The following LEPROTL1 variants were observed in gnomAD, a reference collection of about 807,000 sequenced individuals.
LEPROTL1 encodes leptin receptor overlapping transcript like 1.
Under a neutral mutation model 15.4 loss-of-function variants are expected in LEPROTL1, and 6 were observed. That is an observed-to-expected ratio of 0.39 (90% confidence interval 0.21 to 0.77). The LOEUF (loss-of-function observed/expected upper bound fraction) is 0.77. Ranked by LOEUF, LEPROTL1 falls within the 30% of genes least tolerant of loss-of-function variation. The pLI is 0.41. For missense variants in LEPROTL1, 128 were observed against 158.1 expected (o/e 0.81, Z 1.02); for synonymous variants, 56 against 52.6 (o/e 1.06, Z -0.28).
In LEPROTL1 at chr8:30,095,408, G is replaced by C. The variant is rs1266994651; in HGVS notation, c.-105G>C. 1.6e-5 allele frequency: 18 copies of C among 1,155,052 alleles called. No homozygotes were observed. Among genetic ancestry groups the C allele is most frequent in the Non-Finnish European group, 1.9e-5 (16 of 856,832 alleles). 71.6% of individuals were successfully genotyped at this position (1,155,052 alleles called of 1,614,324 possible). A position where few individuals can be genotyped will look rare whatever the true frequency, so the allele number is the denominator to read the frequency against. On this transcript the variant is annotated 5_prime_UTR_variant, in exon 1 of 4. Transcript: ENST00000321250. Reference sequence around the variant, plus strand: ...GTCGCCGGCGGAAGTGCTGCGTCGCGCACTTCCGGGTGTTGTCTGGCCGCC... The same window carrying C: ...GTCGCCGGCGGAAGTGCTGCGTCGCCCACTTCCGGGTGTTGTCTGGCCGCC...
chr8:30,131,306 G>GTGTATATA (rs71206233), intron 3 of LEPROTL1, among the ~76,000 whole-genome samples: 3 of 141,398 alleles, frequency 2.1e-5, no homozygotes, highest in Non-Finnish European at 4.5e-5. Flanking sequence ...ATGTGTGTGT[G>GTGTATATA]TATATATATA....
rs1020644588 is a variant in LEPROTL1, at chr8:30,137,413, A to C, written c.*101A>C. On this transcript the variant is annotated 3_prime_UTR_variant, in exon 5 of 5. Transcript: ENST00000442880. ...CAGAGTGTCCACTCAACCCGTGCTG[A>C]GGCTGGCAGACAGTGCTGAGTCACT... 6 of 1,551,580 alleles carry C rather than the reference A, an allele frequency of 3.9e-6. No individual in the cohort carries two copies. The African/African-American group carries it at 8.2e-5, about 21-fold the overall frequency.
chr8:30,128,637 A>G (rs1802942229), intron 3 of LEPROTL1, among the ~76,000 whole-genome samples: 1 of 151,972 alleles, frequency 6.6e-6, no homozygotes, highest in Non-Finnish European at 1.5e-5. Context: ...CTGTAGTCCC[A>G]GCTACTTGGG....
intron 3 of LEPROTL1, among the ~76,000 whole-genome samples, chr8:30,124,758 T>G (rs533621743): frequency 4.9e-4 from 74 of 152,314 alleles, no homozygotes; most frequent in African/African-American, 1.6e-3. Flanking sequence ...CAGCTGCATA[T>G]TTAAGAAATA....
chr8:30,109,557 T>TC (rs1172059088), downstream of LEPROTL1, among the ~76,000 whole-genome samples: 4 of 152,138 alleles, frequency 2.6e-5, no homozygotes, highest in Non-Finnish European at 4.4e-5. Context: ...ATAAACTATT[T>TC]CCCCCCCATT....
chr8:30,119,940 A>G (rs1381409620), intron 3 of LEPROTL1, among the ~76,000 whole-genome samples: 1 of 152,110 alleles, frequency 6.6e-6, no homozygotes, highest in Non-Finnish European at 1.5e-5. Context: ...GTGGTGGCGT[A>G]TGCTTGTAAT....
chr8:30,128,946 T>A (rs1321142369), intron 3 of LEPROTL1, among the ~76,000 whole-genome samples: 1 of 151,858 alleles, frequency 6.6e-6, no homozygotes, highest in East Asian at 1.9e-4. Context: ...AGACAGAGTC[T>A]CTTTGACTAT....
chr8:30,104,530 G>A (rs199981574), intron 3 of LEPROTL1, 44 bp downstream of exon 3: 40 of 1,349,868 alleles, frequency 3.0e-5, no homozygotes, highest in Non-Finnish European at 3.6e-5. Flanking sequence ...TATTGAACAT[G>A]TGTTACATTT....
At chr8:30,129,979 T>C (rs1283572349) in intron 3 of LEPROTL1, among the ~76,000 whole-genome samples, 1 of 152,034 alleles carries the variant, frequency 6.6e-6, no homozygotes, top group Non-Finnish European at 1.5e-5. Flanking sequence ...ATGTGAAAGC[T>C]CACTCACTAT....
chr8:30,119,434 C>T (rs907746091), intron 3 of LEPROTL1, among the ~76,000 whole-genome samples: 1 of 152,226 alleles, frequency 6.6e-6, no homozygotes, highest in African/African-American at 2.4e-5. Flanking sequence ...TGTGTCCTCA[C>T]ACAGAAGTGT....
chr8:30,131,748 T>C, intron 3 of LEPROTL1: 1 of 576,146 alleles, frequency 1.7e-6, no homozygotes, highest in East Asian at 3.4e-5. Context: ...TTTTCCTTTT[T>C]GTATCCTCAG....
intron 3 of LEPROTL1, among the ~76,000 whole-genome samples, chr8:30,113,864 C>T (rs1396488171): frequency 6.6e-6 from 1 of 152,132 alleles, no homozygotes; most frequent in East Asian, 1.9e-4. Context: ...ATTCAGAGAA[C>T]TCACCACTGA....
At chr8:30,129,131 G>T (rs1802951930) in intron 3 of LEPROTL1, among the ~76,000 whole-genome samples, 1 of 151,974 alleles carries the variant, frequency 6.6e-6, no homozygotes, top group Non-Finnish European at 1.5e-5. Flanking sequence ...AAACTCGAGG[G>T]ATCAAGAGCT....
At chr8:30,111,408 A>G (rs1223374527), downstream of LEPROTL1, among the ~76,000 whole-genome samples, 2 of 152,228 alleles carry the variant, frequency 1.3e-5, no homozygotes, top group African/African-American at 4.8e-5. Flanking sequence ...TCAAAAATAT[A>G]TACATTTAAA....
At chr8:30,137,285 C>A (rs779260103) in exon 5 of LEPROTL1, 1 of 1,551,594 alleles carries the variant, frequency 6.4e-7, no homozygotes, top group South Asian at 1.2e-5. Flanking sequence ...GGGCGCCTAC[C>A]CTTCTTCAGC....
chr8:30,107,690 T>A lies in LEPROTL1; in HGVS notation c.*1828T>A. Reference sequence around the variant, plus strand: ...TCAGATTTCAAGAGGAAGGTGCAGGTACACATGAGTTAGAGAGCTGGTGAG... The same window carrying A: ...TCAGATTTCAAGAGGAAGGTGCAGGAACACATGAGTTAGAGAGCTGGTGAG... On this transcript the variant is annotated 3_prime_UTR_variant, in exon 4 of 4. Transcript: ENST00000321250. The A allele has an allele frequency of 1.0e-6, 1 of 985,508 alleles. No individual in the cohort carries two copies. 61.0% of individuals were successfully genotyped at this position (985,508 alleles called of 1,614,324 possible). A position where few individuals can be genotyped will look rare whatever the true frequency, so the allele number is the denominator to read the frequency against.
At position 30,118,695 on chromosome 8, in the gene LEPROTL1, C is replaced by T. The variant is rs562724195; in HGVS notation, c.280-13680C>T. ...GCACCGGCACCGGTTTCTGAGTTCC[C>T]TCAGTATTTATAACTATTTTCACTA... On this transcript the variant is annotated intron_variant, in intron 3 of 4. Coordinates refer to the LEPROTL1 transcript ENST00000442880. Among the ~76,000 whole-genome samples, 6 of 152,264 alleles carry T rather than the reference C, an allele frequency of 3.9e-5. No individual in the cohort carries two copies. The South Asian group carries it at 1.2e-3, about 32-fold the overall frequency.
chr8:30,132,254 A>G (rs1479994091), intron 3 of LEPROTL1: 1 of 1,551,810 alleles, frequency 6.4e-7, no homozygotes, highest in South Asian at 1.2e-5. Context: ...CAGGCAGAGA[A>G]GGCAAATGTC....
chr8:30,137,523 A>ACAC, exon 5 of LEPROTL1: 3 of 1,498,146 alleles, frequency 2.0e-6, no homozygotes, highest in Non-Finnish European at 2.7e-6. Flanking sequence ...TCAGTGCCAG[A>ACAC]CACTGCACCA....
Sources: allele counts gnomAD v4.1 joint callset (sites outside exome capture counted in the v4.1 genomes callset), GRCh38; gene constraint gnomAD v4.1.1; transcripts MANE v1.5; gene names NCBI Gene and HGNC (gene_info 2026-07-23, HGNC 2026-07-21).